Variants in PRPSAP1 observed in about 807,000 individuals in gnomAD.
The protein encoded by PRPSAP1 is phosphoribosyl pyrophosphate synthetase associated protein 1.
In PRPSAP1, 31 loss-of-function variants were observed where a neutral mutation model predicts 39.4. The ratio of observed to expected loss-of-function variants is 0.79; its 90% CI spans 0.59 to 1.06. The LOEUF is 1.06. PRPSAP1 is among the 50% of genes least tolerant of loss of function. The pLI, the probability that PRPSAP1 is intolerant of heterozygous loss-of-function variation, is 0.00. For synonymous variants in PRPSAP1, 212 were observed against 192.6 expected, an observed-to-expected ratio of 1.10 and a Z score of -0.83; for missense variants, 430 against 511.6, an observed-to-expected ratio of 0.84 and a Z score of 1.54.
At chr17:76,330,253 A>G (rs2071306179) in intron 5 of PRPSAP1, 155 bp from the exon 6 acceptor site, 3 of 656,158 alleles carry the variant, frequency 4.6e-6, no homozygotes, top group Non-Finnish European at 7.6e-6. Context: ...ATATTTATCA[A>G]TTAACATCAC....
chr17:76,330,366 T>G, intron 5 of PRPSAP1, 185 bp downstream of exon 5: 1 of 604,716 alleles, frequency 1.7e-6, no homozygotes, highest in Non-Finnish European at 2.9e-6. Context: ...AAAAAAAATC[T>G]GTTTTTAGTG....
At position 76,318,698 on chromosome 17, in the gene PRPSAP1, G is replaced by A. The variant is rs533584227; in HGVS notation, c.782-4807C>T. Among the ~76,000 whole-genome samples, 5 of 152,252 alleles carry A rather than the reference G, an allele frequency of 3.3e-5. No individual in the cohort carries two copies. In the South Asian group the frequency reaches 1.0e-3, roughly 32 times the overall value. ...TTTTCTTGGCTAAGCCTATTAAAGA[G>A]AGTCACAGAAAGCAATGTGATGATA... On this transcript the variant is annotated intron_variant, in intron 7 of 9. Coordinates refer to ENST00000446526, the MANE Select transcript of PRPSAP1 (RefSeq NM_002766.3).
intron 7 of PRPSAP1, 74 bp downstream of exon 7, chr17:76,328,642 AC>A (rs1318036094): frequency 3.6e-5 from 55 of 1,518,412 alleles, no homozygotes; most frequent in African/African-American, 1.8e-4. Context: ...AACAACAACA[AC>A]AAAACCAACA....
chr17:76,318,629 G>C (rs2071151920), intron 7 of PRPSAP1, among the ~76,000 whole-genome samples: 1 of 152,124 alleles, frequency 6.6e-6, no homozygotes, highest in Admixed American at 6.6e-5. Flanking sequence ...ATTTAATTTG[G>C]GAGGTGCAAT....
At chr17:76,322,598 A>G (rs1401193097) in intron 7 of PRPSAP1, among the ~76,000 whole-genome samples, 1 of 152,172 alleles carries the variant, frequency 6.6e-6, no homozygotes, top group Non-Finnish European at 1.5e-5. Flanking sequence ...ACTGTCAAGA[A>G]TACAGGCTGA....
At chr17:76,330,741 T>G in intron 4 of PRPSAP1, 75 bp from the exon 5 acceptor site, 1 of 846,154 alleles carries the variant, frequency 1.2e-6, no homozygotes, top group South Asian at 1.7e-5. Flanking sequence ...AACTAGATGC[T>G]CAACTCCTGC....
intron 1 of PRPSAP1, 85 bp from the exon 2 acceptor site, chr17:76,348,666 A>T: frequency 3.0e-6 from 3 of 997,700 alleles, no homozygotes; most frequent in Non-Finnish European, 4.3e-6. Flanking sequence ...TCTAATAAAA[A>T]GACTCAAATA....
At chr17:76,344,857 T>G (rs942925944) in intron 2 of PRPSAP1, 120 bp from the exon 3 acceptor site, 2 of 656,276 alleles carry the variant, frequency 3.0e-6, no homozygotes, top group African/African-American at 1.8e-5. Flanking sequence ...CCTAGCACTT[T>G]AGGAGGGCTG....
At chr17:76,317,158 T>C (rs2071132995) in intron 7 of PRPSAP1, among the ~76,000 whole-genome samples, 1 of 146,492 alleles carries the variant, frequency 6.8e-6, no homozygotes, top group Non-Finnish European at 1.5e-5. Context: ...AAGACCAGCC[T>C]GGCCAACATG....
At chr17:76,335,804 T>C (rs1199871187) in intron 3 of PRPSAP1, among the ~76,000 whole-genome samples, 1 of 151,946 alleles carries the variant, frequency 6.6e-6, no homozygotes, top group Non-Finnish European at 1.5e-5. Context: ...CTGGGCAACA[T>C]AGCAAGACCT....
intron 7 of PRPSAP1, among the ~76,000 whole-genome samples, chr17:76,322,092 A>C (rs2071204021): frequency 6.6e-6 from 1 of 152,220 alleles, no homozygotes; most frequent in South Asian, 2.1e-4. Flanking sequence ...AATTGATAAA[A>C]GTTCAAACAA....
intron 8 of PRPSAP1, 105 bp downstream of exon 8, chr17:76,313,716 G>T: frequency 8.0e-7 from 1 of 1,247,226 alleles, no homozygotes; most frequent in Non-Finnish European, 1.2e-6. Context: ...AGGATACATG[G>T]ATCCATTCGG....
chr17:76,343,966 T>C (rs2071467866), intron 3 of PRPSAP1, among the ~76,000 whole-genome samples: 1 of 152,132 alleles, frequency 6.6e-6, no homozygotes, highest in Non-Finnish European at 1.5e-5. Context: ...TTTTTTTTCT[T>C]TGGTGAGACA....
chr17:76,353,834 C>G lies in PRPSAP1; in HGVS notation c.-131G>C, dbSNP rs769190777. 8.7e-6 allele frequency: 12 copies of G among 1,379,440 alleles called. No homozygotes were observed. Among genetic ancestry groups the G allele is most frequent in the African/African-American group, 3.1e-5 (2 of 64,924 alleles). 85.5% of individuals were successfully genotyped at this position (1,379,440 alleles called of 1,614,324 possible). On this transcript the variant is annotated 5_prime_UTR_variant, in exon 1 of 10. Coordinates refer to ENST00000446526, the MANE Select transcript of PRPSAP1 (RefSeq NM_002766.3). ...GCGCAAGCGGGGAGAGCTCCGAGGT[C>G]CGTGCCCTTGCGCACCCCACACCAC...
intron 3 of PRPSAP1, among the ~76,000 whole-genome samples, chr17:76,338,666 G>T (rs565166681): frequency 6.6e-6 from 1 of 151,842 alleles, no homozygotes; most frequent in Non-Finnish European, 1.5e-5. Context: ...TTGTGCCACT[G>T]CACTCCAACC....
chr17:76,349,346 T>C (rs1359975969), intron 1 of PRPSAP1, among the ~76,000 whole-genome samples: 6 of 151,288 alleles, frequency 4.0e-5, no homozygotes, highest in Non-Finnish European at 7.4e-5. Flanking sequence ...CAGAGAAATA[T>C]GGACAAAGAC....
intron 6 of PRPSAP1, among the ~76,000 whole-genome samples, chr17:76,329,645 A>G (rs542693430): frequency 6.6e-6 from 1 of 152,084 alleles, no homozygotes; most frequent in African/African-American, 2.4e-5. Context: ...CTGAGGCAGG[A>G]GAGCTGCTTG....
At position 76,313,907 on chromosome 17, in the gene PRPSAP1, A is replaced by G. The variant is rs762996972; in HGVS notation, c.782-16T>C. The G allele has an allele frequency of 1.9e-6, 3 of 1,613,426 alleles. No homozygotes were observed. The highest frequency in any genetic ancestry group is 2.2e-5 in the East Asian group (1 of 44,890). ...GCCATCATCACTAGCAAAACAAAAC[A>G]AATTACAAGATCTCAGTCATTCATG... On this transcript the variant is annotated splice_polypyrimidine_tract_variant and intron_variant, in intron 7 of 9. Coordinates refer to ENST00000446526, the MANE Select transcript of PRPSAP1 (RefSeq NM_002766.3).
chr17:76,330,400 C>T (rs993863182), intron 5 of PRPSAP1, 151 bp downstream of exon 5: 10 of 646,828 alleles, frequency 1.5e-5, no homozygotes, highest in Middle Eastern at 3.4e-4. Context: ...TGATCGTCCA[C>T]GACTAAAGCT....
Sources: gnomAD v4.1 joint callset for allele counts (sites outside exome capture counted in the v4.1 genomes callset) on GRCh38, gnomAD v4.1.1 for gene constraint, MANE v1.5 for transcripts, NCBI Gene and HGNC (gene_info 2026-07-23, HGNC 2026-07-21) for gene names.